The following UGT2A3 variants were observed in gnomAD, a reference collection of about 807,000 sequenced individuals.
The protein encoded by UGT2A3 is UDP glucuronosyltransferase family 2 member A3, also known as UDP-glucuronosyltransferase 2A3.
UGT2A3 carries 55 observed loss-of-function variants against 44.1 expected under a neutral mutation model. That is an observed-to-expected ratio of 1.25 (90% CI 1.00 to 1.56). The LOEUF (loss-of-function observed/expected upper bound fraction) is 1.56. Ranked by LOEUF, UGT2A3 falls within the 40% of genes most tolerant of loss-of-function variation. The pLI is 0.00. For missense variants in UGT2A3, 733 were observed against 621.6 expected, an observed-to-expected ratio of 1.18 and a Z score of -1.91; for synonymous variants, 243 against 215.1, an observed-to-expected ratio of 1.13 and a Z score of -1.13.
intron 2 of UGT2A3, among the ~76,000 whole-genome samples, chr4:68,936,761 A>G (rs1412039915): frequency 1.3e-5 from 2 of 152,028 alleles, no homozygotes; most frequent in African/African-American, 4.8e-5. Context: ...AGAGACACAG[A>G]CTGGCAAATT....
In UGT2A3 at chr4:68,932,748, A is replaced by G. The variant is rs761997675; in HGVS notation, c.876T>C (p.Asn292=). ...CATCTTCCCCTGAACTCTGGACAAA[A>G]TTTTCCATTTCCTGAAGATAAAAAT... The part of the protein sequence containing the change: ...PAKALPKEME[N]FVQSSGEDGI... Residue 292 remains asparagine (N), a synonymous_variant, in exon 3 of 6, where the codon AAT becomes AAC. Coordinates refer to ENST00000251566, the MANE Select transcript of UGT2A3 (RefSeq NM_024743.4). 47 of 1,607,098 alleles carry G rather than the reference A, an allele frequency of 2.9e-5. 3 individuals carry two copies. The South Asian group carries it at 4.8e-4, about 16-fold the overall frequency.
chr4:68,945,582 T>C (rs896692926), intron 1 of UGT2A3, 128 bp from the exon 2 acceptor site: 2 of 509,002 alleles, frequency 3.9e-6, no homozygotes, highest in African/African-American at 4.1e-5. Context: ...CTTTTAGACG[T>C]CAAATGGAAG....
chr4:68,932,729 C>T lies in UGT2A3; in HGVS notation c.895G>A (p.Glu299Lys). The change falls in exon 3 of 6, where the codon GAA (glutamate) becomes AAA (lysine). Residue 299 changes from glutamate (E) to lysine (K), a missense_variant. Physicochemically the swap from Glu to Lys is moderately conservative, Grantham distance 56. Transcript: ENST00000251566. The stretch of plus-strand genomic sequence containing the variant: ...AGAGAAAACACCACAATACCATCTT[C>T]CCCTGAACTCTGGACAAAATTTTCC... ...EMENFVQSSG[E>K]DGIVVFSLGS... 6.2e-7 allele frequency: 1 copy of T among 1,610,066 alleles called. No homozygotes were observed. The highest frequency in any genetic ancestry group is 8.5e-7 in the Non-Finnish European group (1 of 1,177,768).
intron 2 of UGT2A3, among the ~76,000 whole-genome samples, chr4:68,941,137 C>CT (rs1718172824): frequency 2.0e-5 from 3 of 151,830 alleles, no homozygotes; most frequent in Non-Finnish European, 4.4e-5. Flanking sequence ...GGTTTCCTCT[C>CT]TTGTCATGAG....
At chr4:68,935,735 T>C (rs1717927379) in intron 2 of UGT2A3, among the ~76,000 whole-genome samples, 1 of 152,000 alleles carries the variant, frequency 6.6e-6, no homozygotes, top group Admixed American at 6.6e-5. Context: ...AGAAGTAGAC[T>C]TCAGAAAGTC....
chr4:68,935,353 AGCAATATTTGCTGTTCT>A (rs1717908605), intron 2 of UGT2A3, among the ~76,000 whole-genome samples: 1 of 146,180 alleles, frequency 6.8e-6, no homozygotes, highest in Non-Finnish European at 1.5e-5. Context: ...AGAATCCAGC[AGCAATATTTGCTGTTCT>A]GCAGTATTTG....
chr4:68,942,983 T>A (rs534161605), intron 2 of UGT2A3, among the ~76,000 whole-genome samples: 1 of 151,896 alleles, frequency 6.6e-6, no homozygotes, highest in Non-Finnish European at 1.5e-5. Flanking sequence ...TACACAACAT[T>A]TAAATGTATT....
In UGT2A3 at chr4:68,928,509, C is replaced by A. The variant is rs1291970480; in HGVS notation, c.*1304G>T. ...TATTTATATTTATTGTATACATACA[C>A]AAGAAAAATACTTATATTTATTTTT... On this transcript the variant is annotated 3_prime_UTR_variant, in exon 6 of 6. Coordinates refer to ENST00000251566, the MANE Select transcript of UGT2A3 (RefSeq NM_024743.4). The A allele has an allele frequency of 6.6e-6, 1 of 151,780 alleles. No individual in the cohort carries two copies. Among genetic ancestry groups the A allele is most frequent in the African/African-American group, 2.4e-5 (1 of 41,372 alleles). 9.4% of individuals were successfully genotyped at this position (151,780 alleles called of 1,614,324 possible).
At chr4:68,930,141 T>C (rs1221476903) in intron 5 of UGT2A3, 49 bp from the exon 6 acceptor site, 1 of 1,550,120 alleles carries the variant, frequency 6.5e-7, no homozygotes, top group Admixed American at 1.9e-5. Flanking sequence ...AGTTTTGTTT[T>C]CATAAAAGAC....
In UGT2A3 at chr4:68,951,767, A is replaced by T; in HGVS notation, c.-7T>A. The T allele has an allele frequency of 1.3e-6, 2 of 1,568,012 alleles. No individual in the cohort carries two copies. Among genetic ancestry groups the T allele is most frequent in the Non-Finnish European group, 1.7e-6 (2 of 1,157,628 alleles). ...CTGACTTGTCAGACCTCATGATGGC[A>T]GTTCCCTCACACACTGATCTGCAAT... On this transcript the variant is annotated 5_prime_UTR_variant, in exon 1 of 6. Transcript: ENST00000251566.
rs137865339 is a variant in UGT2A3 at position 68,930,164 on chromosome 4, C to T, written c.1305-72G>A. The T allele has an allele frequency of 4.0e-3, 5,839 of 1,463,902 alleles. 228 individuals are homozygous for T. In the South Asian group the frequency reaches 0.063, roughly 16 times the overall value. The allele number at this position is 1,463,902 out of a possible 1,614,324, so 90.7% of individuals were successfully genotyped here. On this transcript the variant is annotated intron_variant, in intron 5 of 5. Coordinates refer to ENST00000251566, the MANE Select transcript of UGT2A3 (RefSeq NM_024743.4). ...TTTCATAAAAGACAGGTAGATAAAC[C>T]GTAGTATATGTTATGCAAGCCAAGA... is the stretch of plus-strand genomic sequence containing the variant.
At chr4:68,940,548 G>C (rs1363829200) in intron 2 of UGT2A3, among the ~76,000 whole-genome samples, 1 of 151,852 alleles carries the variant, frequency 6.6e-6, no homozygotes, top group African/African-American at 2.4e-5. Context: ...GGCCTGTTGG[G>C]GGTTGGGTGG....
At position 68,948,114 on chromosome 4, in the gene UGT2A3, G is replaced by A. The variant is rs141868997; in HGVS notation, c.716-2660C>T. ...TCTCTAGCTATGAAAGTTTTAAATG[G>A]CATCTTCTTCCAACAGAAGGCTGTT... On this transcript the variant is annotated intron_variant, in intron 1 of 5. Transcript: ENST00000251566. 1.7e-3 allele frequency among the ~76,000 whole-genome samples: 263 copies of A among 151,888 alleles called. 1 individual carries two copies. Among genetic ancestry groups the A allele is most frequent in the African/African-American group, 6.0e-3 (250 of 41,482 alleles).
At chr4:68,936,888 C>CAAAAAAAAAAAAAA (rs56737078) in intron 2 of UGT2A3, among the ~76,000 whole-genome samples, 1 of 46,340 alleles carries the variant, frequency 2.2e-5, no homozygotes, top group Non-Finnish European at 3.7e-5. Flanking sequence ...AAATGGAAAG[C>CAAAAAAAAAAAAAA]AAAAAAAAAA....
chr4:68,928,500 A>G lies in UGT2A3; in HGVS notation c.*1313T>C, dbSNP rs966817980. On this transcript the variant is annotated 3_prime_UTR_variant, in exon 6 of 6. Coordinates refer to ENST00000251566, the MANE Select transcript of UGT2A3 (RefSeq NM_024743.4). ...AAACAATTTTATTTATATTTATTGT[A>G]TACATACACAAGAAAAATACTTATA... is the stretch of plus-strand genomic sequence containing the variant. 2.6e-5 allele frequency: 4 copies of G among 152,130 alleles called. No individual in the cohort carries two copies. The highest frequency in any genetic ancestry group is 5.9e-5 in the Non-Finnish European group (4 of 68,008). The allele number at this position is 152,130 out of a possible 1,614,324, so 9.4% of individuals were successfully genotyped here.
rs1446752315 is a variant in UGT2A3, at chr4:68,932,722, C to T, written c.902G>A (p.Gly301Asp). 1 of 1,610,962 alleles carries T rather than the reference C, an allele frequency of 6.2e-7. No individual in the cohort carries two copies. Among genetic ancestry groups the T allele is most frequent in the South Asian group, 1.1e-5 (1 of 90,824 alleles). Reference protein sequence around the residue: ...ENFVQSSGEDGIVVFSLGSLF... With the variant: ...ENFVQSSGEDDIVVFSLGSLF... ...TGACCCCAGAGAAAACACCACAATA[C>T]CATCTTCCCCTGAACTCTGGACAAA... The change falls in exon 3 of 6, where the codon GGT becomes GAT. Residue 301 changes from glycine (G) to aspartate (D), a missense_variant. Coordinates refer to ENST00000251566, the MANE Select transcript of UGT2A3 (RefSeq NM_024743.4).
At chr4:68,950,439 T>C (rs1462872155) in intron 1 of UGT2A3, among the ~76,000 whole-genome samples, 1 of 151,864 alleles carries the variant, frequency 6.6e-6, no homozygotes, top group African/African-American at 2.4e-5. Flanking sequence ...ATCACAACTA[T>C]ATGAAAATTG....
intron 1 of UGT2A3, among the ~76,000 whole-genome samples, chr4:68,949,569 G>A (rs770001429): frequency 2.0e-5 from 3 of 151,836 alleles, no homozygotes; most frequent in Non-Finnish European, 4.4e-5. Context: ...AGAGTCAAAA[G>A]TACACACTTG....
At chr4:68,935,998 A>G (rs1207691058) in intron 2 of UGT2A3, among the ~76,000 whole-genome samples, 1 of 152,132 alleles carries the variant, frequency 6.6e-6, no homozygotes, top group Non-Finnish European at 1.5e-5. Flanking sequence ...TAAAGCAAGA[A>G]GACAAGTTTA....
Sources: allele counts gnomAD v4.1 joint callset (sites outside exome capture counted in the v4.1 genomes callset), GRCh38; gene constraint gnomAD v4.1.1; transcripts MANE v1.5; gene names NCBI Gene and HGNC (gene_info 2026-07-23, HGNC 2026-07-21).